CHD6: variants seen among roughly 807,000 people sequenced by gnomAD.
The protein encoded by CHD6 is ATP-dependent chromatin remodeler CHD6.
Under a neutral mutation model 276.9 loss-of-function variants are expected in CHD6, and 50 were observed. That is an observed-to-expected ratio of 0.18 (90% CI 0.14 to 0.23). CHD6 has a LOEUF of 0.23. Among genes scored for constraint, CHD6 ranks in the 10% least tolerant of loss-of-function variants. The pLI is 1.00. For missense variants in CHD6, 2,564 were observed against 3,365.8 expected (o/e 0.76, Z 5.89); for synonymous variants, 1,173 against 1,229.3 (o/e 0.95, Z 0.96).
intron 5 of CHD6, among the ~76,000 whole-genome samples, chr20:41,511,066 A>G (rs577354526): frequency 2.0e-5 from 3 of 152,280 alleles, no homozygotes; most frequent in Middle Eastern, 3.4e-3. Context: ...CAGTTTCTTC[A>G]TTGTTAAAAT....
chr20:41,527,370 G>A (rs916799716), intron 3 of CHD6, among the ~76,000 whole-genome samples: 30 of 151,378 alleles, frequency 2.0e-4, no homozygotes, highest in Admixed American at 6.6e-4. Flanking sequence ...GCAGTGAGCC[G>A]AGATCACACC....
At chr20:41,569,173 A>G (rs1161374206) in intron 1 of CHD6, among the ~76,000 whole-genome samples, 1 of 152,216 alleles carries the variant, frequency 6.6e-6, no homozygotes, top group African/African-American at 2.4e-5. Flanking sequence ...GTGGCTAGCA[A>G]TAGGATCCTC....
chr20:41,487,953 G>T, intron 13 of CHD6, 145 bp from the exon 14 acceptor site: 1 of 753,038 alleles, frequency 1.3e-6, no homozygotes, highest in Non-Finnish European at 2.1e-6. Flanking sequence ...GCCATCATAG[G>T]GGTACAGTCA....
chr20:41,455,777 GC>G, intron 19 of CHD6, 22 bp downstream of exon 19: 2 of 1,478,430 alleles, frequency 1.4e-6, no homozygotes, highest in Non-Finnish European at 1.8e-6. Flanking sequence ...ACCCCCAACA[GC>G]TCTGGAGAGA....
chr20:41,456,259 A>T (rs975000922), intron 18 of CHD6, among the ~76,000 whole-genome samples: 1 of 152,078 alleles, frequency 6.6e-6, no homozygotes, highest in Admixed American at 6.6e-5. Context: ...GTCACAAGCC[A>T]CTATAACTAT....
chr20:41,466,976 G>A (rs1416100740), intron 17 of CHD6, among the ~76,000 whole-genome samples: 3 of 152,160 alleles, frequency 2.0e-5, no homozygotes, highest in Non-Finnish European at 4.4e-5. Context: ...TTTCTGAGAT[G>A]GAACCAAGAG....
intron 3 of CHD6, among the ~76,000 whole-genome samples, chr20:41,532,359 G>C (rs1171473003): frequency 1.3e-5 from 2 of 152,178 alleles, no homozygotes; most frequent in African/African-American, 4.8e-5. Flanking sequence ...AACCTAGTCA[G>C]TCCTCATCTA....
intron 1 of CHD6, among the ~76,000 whole-genome samples, chr20:41,614,208 A>G (rs972833285): frequency 6.6e-6 from 1 of 152,188 alleles, no homozygotes; most frequent in Non-Finnish European, 1.5e-5. Context: ...AGAAAATTCA[A>G]ATATGCATCC....
chr20:41,420,273 A>G (rs537999023), intron 31 of CHD6, among the ~76,000 whole-genome samples: 22 of 152,268 alleles, frequency 1.4e-4, no homozygotes, highest in Non-Finnish European at 2.4e-4. Flanking sequence ...TGCCCAAATT[A>G]TATGAGTGAG....
At chr20:41,490,078 C>T in intron 11 of CHD6, 57 bp from the exon 12 acceptor site, 31 of 1,446,530 alleles carry the variant, frequency 2.1e-5, no homozygotes, top group Middle Eastern at 1.9e-4. Flanking sequence ...CTTATAGAGG[C>T]TGGTTATAAC....
chr20:41,554,510 TG>T (rs1368926739), intron 1 of CHD6, among the ~76,000 whole-genome samples: 1 of 151,676 alleles, frequency 6.6e-6, no homozygotes, highest in African/African-American at 2.4e-5. Flanking sequence ...CAAAGGTCTC[TG>T]GTTTTCCTAG....
rs563664690 is a variant in CHD6 at position 41,495,477 on chromosome 20, T to C, written c.1093-1533A>G. Among the ~76,000 whole-genome samples the C allele has an allele frequency of 3.9e-5, 6 of 152,158 alleles. No homozygotes were observed. In the South Asian group the frequency reaches 1.0e-3, roughly 26 times the overall value. On this transcript the variant is annotated intron_variant, in intron 8 of 36. Transcript: ENST00000373233. ...AAGGGGAGGGGAAATGGGGAAGACA[T>C]TGGTCAAAGGGTATAAAATTTCAGT...
intron 5 of CHD6, among the ~76,000 whole-genome samples, chr20:41,500,987 C>G (rs545064049): frequency 6.6e-6 from 1 of 152,168 alleles, no homozygotes; most frequent in Admixed American, 6.5e-5. Flanking sequence ...CAGCAAAGGG[C>G]CAAAGCTAGG....
chr20:41,607,766 GAA>G (rs11086808), intron 1 of CHD6, among the ~76,000 whole-genome samples: 2 of 118,288 alleles, frequency 1.7e-5, no homozygotes, highest in African/African-American at 2.9e-5. Flanking sequence ...CATTCCACAG[GAA>G]AAAAAAAAAA....
At chr20:41,448,843 T>G (rs962587564) in intron 23 of CHD6, among the ~76,000 whole-genome samples, 1 of 152,156 alleles carries the variant, frequency 6.6e-6, no homozygotes, top group Non-Finnish European at 1.5e-5. Context: ...AGAACCCTTA[T>G]TATCTCTGGT....
intron 27 of CHD6, among the ~76,000 whole-genome samples, chr20:41,436,306 G>A (rs79829056): frequency 0.023 from 3,467 of 152,196 alleles, 48 homozygotes; most frequent in South Asian, 0.043. Context: ...ATCACAACAA[G>A]GTATTGCTAC....
intron 1 of CHD6, among the ~76,000 whole-genome samples, chr20:41,556,122 C>G (rs1229907611): frequency 6.6e-6 from 1 of 152,154 alleles, no homozygotes; most frequent in Non-Finnish European, 1.5e-5. Flanking sequence ...CGTGGCGGCG[C>G]GCACCTGCAA....
intron 1 of CHD6, among the ~76,000 whole-genome samples, chr20:41,564,747 A>C (rs1295202734): frequency 6.6e-6 from 1 of 152,244 alleles, no homozygotes; most frequent in East Asian, 1.9e-4. Flanking sequence ...ATTGTTTTCT[A>C]AACACCCAAC....
At chr20:41,418,240 G>A (rs934254684) in intron 31 of CHD6, among the ~76,000 whole-genome samples, 1 of 152,220 alleles carries the variant, frequency 6.6e-6, no homozygotes, top group Non-Finnish European at 1.5e-5. Flanking sequence ...CAGGAAAGAG[G>A]TGACAATAAA....
Sources: gnomAD v4.1 joint callset for allele counts (sites outside exome capture counted in the v4.1 genomes callset) on GRCh38, gnomAD v4.1.1 for gene constraint, MANE v1.5 for transcripts, NCBI Gene and HGNC (gene_info 2026-07-23, HGNC 2026-07-21) for gene names.